Variants in CUL4A observed in about 807,000 individuals in gnomAD.
CUL4A encodes the protein cullin 4A.
Under a neutral mutation model 95.5 loss-of-function variants are expected in CUL4A, and 16 were observed. That is an observed-to-expected ratio of 0.17 (90% CI 0.11 to 0.25). The LOEUF is 0.25. Ranked by LOEUF, CUL4A falls within the 10% of genes least tolerant of loss-of-function variation. CUL4A has a pLI of 1.00. For synonymous variants in CUL4A, 380 were observed against 353.1 expected (o/e 1.08, Z -0.85); for missense variants, 610 against 937.0 (o/e 0.65, Z 4.56).
intron 16 of CUL4A, among the ~76,000 whole-genome samples, chr13:113,254,273 G>A (rs2042066375): frequency 6.6e-6 from 1 of 152,132 alleles, no homozygotes; most frequent in African/African-American, 2.4e-5. Flanking sequence ...GATCATCCTG[G>A]GATATATAAG....
chr13:113,242,791 A>T (rs1300147140), intron 10 of CUL4A, among the ~76,000 whole-genome samples, 177 bp from the exon 11 acceptor site: 1 of 152,262 alleles, frequency 6.6e-6, no homozygotes, highest in Admixed American at 6.5e-5. Flanking sequence ...GCCTCAAAAA[A>T]AAGTGTATTC....
intron 3 of CUL4A, among the ~76,000 whole-genome samples, chr13:113,223,472 C>T (rs1442150912): frequency 5.3e-5 from 8 of 152,140 alleles, no homozygotes; most frequent in African/African-American, 1.7e-4. Flanking sequence ...CTTGGCTCAC[C>T]GCAACAACCT....
At chr13:113,252,698 T>C (rs1474179378) in intron 15 of CUL4A, among the ~76,000 whole-genome samples, 1 of 152,224 alleles carries the variant, frequency 6.6e-6, no homozygotes, top group Non-Finnish European at 1.5e-5. Context: ...GCCCCGCTCA[T>C]TGCCGGGAAC....
intron 19 of CUL4A, among the ~76,000 whole-genome samples, chr13:113,261,467 T>G (rs1273366825): frequency 6.6e-6 from 1 of 152,006 alleles, no homozygotes; most frequent in Non-Finnish European, 1.5e-5. Context: ...CACTTAAGAG[T>G]CTGGTGGAAG....
chr13:113,251,057 G>A (rs939234201), intron 15 of CUL4A, among the ~76,000 whole-genome samples: 1 of 152,136 alleles, frequency 6.6e-6, no homozygotes, highest in Admixed American at 6.5e-5. Context: ...AGAGCAGCAG[G>A]CATTTATGCA....
chr13:113,221,452 A>G (rs1225314738), intron 3 of CUL4A, among the ~76,000 whole-genome samples: 1 of 152,262 alleles, frequency 6.6e-6, no homozygotes, highest in African/African-American at 2.4e-5. Flanking sequence ...CTGGGAAAAT[A>G]AATCTGAGCA....
Position 113,266,552 on chromosome 13 carries a change from A to G in CUL4A, c.*2970A>G, listed in dbSNP as rs2042398809. Reference sequence around the variant, plus strand: ...GAAAAGCAAATATGCCAGACTAGTCAAATTGTTTTAAATTCTGCTGTTTTT... The same window carrying G: ...GAAAAGCAAATATGCCAGACTAGTCGAATTGTTTTAAATTCTGCTGTTTTT... On this transcript the variant is annotated 3_prime_UTR_variant, in exon 20 of 20. Coordinates refer to ENST00000375440, the MANE Select transcript of CUL4A (RefSeq NM_001008895.4). 6.6e-6 allele frequency: 1 copy of G among 152,258 alleles called. No homozygotes were observed. Among genetic ancestry groups the G allele is most frequent in the Non-Finnish European group, 1.5e-5 (1 of 68,048 alleles). 9.4% of individuals were successfully genotyped at this position (152,258 alleles called of 1,614,324 possible).
chr13:113,235,745 C>T (rs1226569421), intron 8 of CUL4A, among the ~76,000 whole-genome samples: 2 of 151,922 alleles, frequency 1.3e-5, no homozygotes, highest in African/African-American at 2.4e-5. Flanking sequence ...CTGAGGTGGG[C>T]AGATCACAAA....
At chr13:113,217,986 C>T (rs1233070389) in intron 2 of CUL4A, among the ~76,000 whole-genome samples, 1 of 152,226 alleles carries the variant, frequency 6.6e-6, no homozygotes, top group East Asian at 1.9e-4. Flanking sequence ...CCTGTAATCC[C>T]AGCACTGTGG....
chr13:113,263,654 TTTCTGGGACTCTGATTGATCCAG>T lies in CUL4A; in HGVS notation c.*73_*95del. On this transcript the variant is annotated 3_prime_UTR_variant, in exon 20 of 20. Coordinates refer to ENST00000375440, the MANE Select transcript of CUL4A (RefSeq NM_001008895.4). Reference sequence around the variant, plus strand: ...CAGAGCAGGAAGCACACCTGTGCCATTTCTGGGACTCTGATTGATCCAGCTGTGGACATTGGAAGGCGAAGGAA... The same window carrying T: ...CAGAGCAGGAAGCACACCTGTGCCATCTGTGGACATTGGAAGGCGAAGGAA... 1.1e-6 allele frequency: 1 copy of T among 946,298 alleles called. No homozygotes were observed. The highest frequency in any genetic ancestry group is 1.7e-5 in the South Asian group (1 of 59,794). 58.6% of individuals were successfully genotyped at this position (946,298 alleles called of 1,614,324 possible).
chr13:113,212,209 T>C lies in CUL4A; in HGVS notation c.264+2121T>C, dbSNP rs183391837. Among the ~76,000 whole-genome samples, 6 of 152,368 alleles carry C rather than the reference T, an allele frequency of 3.9e-5. No homozygotes were observed. The East Asian group carries it at 1.2e-3, about 29-fold the overall frequency. On this transcript the variant is annotated intron_variant, in intron 2 of 19. Coordinates refer to ENST00000375440, the MANE Select transcript of CUL4A (RefSeq NM_001008895.4). ...TTATGTATTCTGGATACAAGTCCTG[T>C]ATCAGATATTCGCCTTGCAAATACT...
intron 18 of CUL4A, 63 bp downstream of exon 18, chr13:113,255,188 G>T (rs928561594): frequency 1.1e-5 from 15 of 1,360,784 alleles, no homozygotes; most frequent in Non-Finnish European, 1.5e-5. Context: ...TGTTTTTGTA[G>T]TAATGTTTTT....
intron 19 of CUL4A, among the ~76,000 whole-genome samples, chr13:113,261,655 A>G (rs1298252106): frequency 6.6e-6 from 1 of 151,800 alleles, no homozygotes; most frequent in African/African-American, 2.4e-5. Context: ...AGAGGTGAGC[A>G]AGAGTGGAGT....
At chr13:113,247,846 T>C (rs3861718) in intron 15 of CUL4A, among the ~76,000 whole-genome samples, 140,098 of 152,190 alleles carry the variant, frequency 0.92, 65,576 homozygotes, top group East Asian at 1. Flanking sequence ...AGGGCATTCA[T>C]TCTGATGTAA....
intron 15 of CUL4A, 34 bp from the exon 16 acceptor site, chr13:113,253,048 T>C (rs780059370): frequency 1.1e-5 from 12 of 1,060,294 alleles, no homozygotes; most frequent in Non-Finnish European, 1.6e-5. Flanking sequence ...GGATGGTGTG[T>C]GGCATAATTT....
chr13:113,213,488 C>CAG (rs10660319), intron 2 of CUL4A, among the ~76,000 whole-genome samples: 1 of 152,198 alleles, frequency 6.6e-6, no homozygotes, highest in East Asian at 1.9e-4. Context: ...TGACTAGAAA[C>CAG]GAGTCCCACC....
intron 3 of CUL4A, among the ~76,000 whole-genome samples, chr13:113,221,796 T>C (rs896881417): frequency 2.0e-5 from 3 of 152,278 alleles, no homozygotes; most frequent in African/African-American, 7.2e-5. Context: ...CAGGCTGGTC[T>C]CGAACTCCTG....
chr13:113,212,183 A>T (rs1234088105), intron 2 of CUL4A, among the ~76,000 whole-genome samples: 1 of 152,172 alleles, frequency 6.6e-6, no homozygotes. Flanking sequence ...ATTTGAGTTT[A>T]TTATGTATTC....
chr13:113,260,556 TAA>T, intron 18 of CUL4A, 49 bp from the exon 19 acceptor site: 2 of 1,532,412 alleles, frequency 1.3e-6, no homozygotes, highest in African/African-American at 1.4e-5. Flanking sequence ...TCGCAAAAAA[TAA>T]AAAGAAAATA....
Sources: gnomAD v4.1 joint callset for allele counts (sites outside exome capture counted in the v4.1 genomes callset) on GRCh38, gnomAD v4.1.1 for gene constraint, MANE v1.5 for transcripts, NCBI Gene and HGNC (gene_info 2026-07-23, HGNC 2026-07-21) for gene names.